Variants in ST3GAL2 observed in about 807,000 individuals in gnomAD.
ST3GAL2 encodes the protein ST3 beta-galactoside alpha-2,3-sialyltransferase 2, also known as CMP-N-acetylneuraminate-beta-galactosamide-alpha-2,3-sialyltransferase 2.
A neutral mutation model predicts 37.5 loss-of-function variants in ST3GAL2; 16 were observed. The ratio of observed to expected loss-of-function variants is 0.43; its 90% CI spans 0.29 to 0.65. The LOEUF (loss-of-function observed/expected upper bound fraction) is 0.65, where lower values mean the gene tolerates loss of function less well. Ranked by LOEUF, ST3GAL2 falls within the 30% of genes least tolerant of loss-of-function variation. The pLI, the probability that ST3GAL2 is intolerant of heterozygous loss-of-function variation, is 0.17. For synonymous variants in ST3GAL2, 238 were observed against 202.9 expected, an observed-to-expected ratio of 1.17 and a Z score of -1.47; for missense variants, 383 against 487.8, an observed-to-expected ratio of 0.79 and a Z score of 2.02.
intron 1 of ST3GAL2, among the ~76,000 whole-genome samples, chr16:70,416,980 C>T (rs191242740): frequency 2.6e-5 from 4 of 152,294 alleles, no homozygotes; most frequent in East Asian, 1.9e-4. Context: ...ATCACTCACC[C>T]GTTCACCTCG....
chr16:70,385,025 G>T (rs575156018), intron 4 of ST3GAL2, among the ~76,000 whole-genome samples: 2 of 151,860 alleles, frequency 1.3e-5, no homozygotes, highest in East Asian at 3.9e-4. Flanking sequence ...AAACAAACAG[G>T]CCGGGTGCGG....
intron 2 of ST3GAL2, 112 bp downstream of exon 2, chr16:70,398,080 C>T: frequency 2.7e-6 from 3 of 1,118,798 alleles, no homozygotes; most frequent in Non-Finnish European, 3.8e-6. Flanking sequence ...CTATAAATGG[C>T]TTGGTCAAAC....
At chr16:70,411,694 ATTG>A (rs2047639495) in intron 1 of ST3GAL2, among the ~76,000 whole-genome samples, 1 of 151,944 alleles carries the variant, frequency 6.6e-6, no homozygotes, top group African/African-American at 2.4e-5. Flanking sequence ...ATCCTAATAT[ATTG>A]TTAATAGTTA....
At chr16:70,438,212 G>T (rs1022121075) in intron 1 of ST3GAL2, among the ~76,000 whole-genome samples, 1 of 152,240 alleles carries the variant, frequency 6.6e-6, no homozygotes. Context: ...AAGCTAAGGG[G>T]AGACTCAAGT....
intron 1 of ST3GAL2, among the ~76,000 whole-genome samples, chr16:70,432,422 C>T (rs1322855534): frequency 6.6e-6 from 1 of 150,476 alleles, no homozygotes. Context: ...CAGGAAACCA[C>T]CAGGGCTCAG....
At chr16:70,408,657 G>T (rs1268950047) in intron 1 of ST3GAL2, among the ~76,000 whole-genome samples, 1 of 151,776 alleles carries the variant, frequency 6.6e-6, no homozygotes, top group African/African-American at 2.4e-5. Context: ...CTTCCTGCAG[G>T]ACATCCAACT....
chr16:70,419,803 G>A (rs2047701344), intron 1 of ST3GAL2, among the ~76,000 whole-genome samples: 1 of 152,136 alleles, frequency 6.6e-6, no homozygotes, highest in Admixed American at 6.6e-5. Flanking sequence ...CCTCCACCGG[G>A]CTGGTATGAC....
At chr16:70,396,526 C>A (rs2047517475) in intron 2 of ST3GAL2, among the ~76,000 whole-genome samples, 1 of 152,070 alleles carries the variant, frequency 6.6e-6, no homozygotes, top group Admixed American at 6.6e-5. Flanking sequence ...ATCGCTCGAG[C>A]CTTGGGGATC....
chr16:70,390,160 G>A (rs573364109), intron 3 of ST3GAL2, among the ~76,000 whole-genome samples: 125 of 151,662 alleles, frequency 8.2e-4, no homozygotes, highest in African/African-American at 2.9e-3. Context: ...CTGCAGCCTC[G>A]ACCTCCTGGG....
At position 70,381,661 on chromosome 16, in the gene ST3GAL2, G is replaced by T. The variant is rs373245458; in HGVS notation, c.*28C>A. 12 of 1,609,002 alleles carry T rather than the reference G, an allele frequency of 7.5e-6. No individual in the cohort carries two copies. Among genetic ancestry groups the T allele is most frequent in the South Asian group, 3.3e-5 (3 of 90,852 alleles). ...CCGGAGCCCCGGTGCCCGATAGATG[G>T]GCCGGAAGGGTCGCGGCGAGGCCCG... On this transcript the variant is annotated 3_prime_UTR_variant, in exon 7 of 7. Transcript: ENST00000342907.
chr16:70,379,543 GAAAT>G lies in ST3GAL2; in HGVS notation c.*2142_*2145del, dbSNP rs1175882557. On this transcript the variant is annotated 3_prime_UTR_variant, in exon 7 of 7. Transcript: ENST00000342907. Reference sequence around the variant, plus strand: ...GTTCCTTTTAATTCAGAAAGGGAAGGAAATAAAAAAGTGTGTTTAAATTACTATT... The same window carrying G: ...GTTCCTTTTAATTCAGAAAGGGAAGGAAAAAAGTGTGTTTAAATTACTATT... 2 of 152,122 alleles carry G rather than the reference GAAAT, an allele frequency of 1.3e-5. No homozygotes were observed. The highest frequency in any genetic ancestry group is 4.8e-5 in the African/African-American group (2 of 41,394). The allele number at this position is 152,122 out of a possible 1,614,324, so 9.4% of individuals were successfully genotyped here.
At chr16:70,438,183 G>A (rs2047839334) in intron 1 of ST3GAL2, among the ~76,000 whole-genome samples, 1 of 152,224 alleles carries the variant, frequency 6.6e-6, no homozygotes, top group Non-Finnish European at 1.5e-5. Context: ...AAGGAGGGAA[G>A]GCCAACAGGA....
At chr16:70,427,666 T>G (rs1424521820) in intron 1 of ST3GAL2, among the ~76,000 whole-genome samples, 1 of 152,148 alleles carries the variant, frequency 6.6e-6, no homozygotes, top group Non-Finnish European at 1.5e-5. Flanking sequence ...TATTCCCAAT[T>G]TCTGGGAAAG....
chr16:70,381,905 G>T, intron 6 of ST3GAL2, 43 bp from the exon 7 acceptor site: 1 of 1,606,304 alleles, frequency 6.2e-7, no homozygotes. Context: ...GCGGGGACCT[G>T]GAGGATGGCG....
rs990174400 is a variant in ST3GAL2 at position 70,381,506 on chromosome 16, G to C, written c.*183C>G. On this transcript the variant is annotated 3_prime_UTR_variant, in exon 7 of 7. Coordinates refer to ENST00000342907, the MANE Select transcript of ST3GAL2 (RefSeq NM_006927.4). ...ACATGATTGGCTGGGAGAAACAGAA[G>C]CTCCGCCCGACCGCAGCGCAGATTG... 2.9e-6 allele frequency: 2 copies of C among 685,676 alleles called. No individual in the cohort carries two copies. Among genetic ancestry groups the C allele is most frequent in the Admixed American group, 3.0e-5 (1 of 33,444 alleles). 42.5% of individuals were successfully genotyped at this position (685,676 alleles called of 1,614,324 possible).
chr16:70,432,214 CA>C (rs1012732300), intron 1 of ST3GAL2, among the ~76,000 whole-genome samples: 25 of 152,100 alleles, frequency 1.6e-4, no homozygotes, highest in Non-Finnish European at 2.8e-4. Context: ...GGCCCTTGTT[CA>C]CCTTATTGTA....
At chr16:70,428,006 T>C (rs1422351326) in intron 1 of ST3GAL2, among the ~76,000 whole-genome samples, 1 of 152,184 alleles carries the variant, frequency 6.6e-6, no homozygotes, top group African/African-American at 2.4e-5. Flanking sequence ...GACCTCCCAA[T>C]GCTCTGGGGT....
intron 1 of ST3GAL2, among the ~76,000 whole-genome samples, chr16:70,401,435 G>A (rs2047554239): frequency 6.6e-6 from 1 of 152,180 alleles, no homozygotes. Flanking sequence ...AAAGGCCCTT[G>A]CTTTGGGAAC....
intron 3 of ST3GAL2, among the ~76,000 whole-genome samples, chr16:70,390,143 T>C (rs2047473206): frequency 6.6e-6 from 1 of 151,938 alleles, no homozygotes; most frequent in African/African-American, 2.4e-5. Context: ...GGCACCATCA[T>C]GGCTCACTGC....
Sources: allele counts gnomAD v4.1 joint callset (sites outside exome capture counted in the v4.1 genomes callset), GRCh38; gene constraint gnomAD v4.1.1; transcripts MANE v1.5; gene names NCBI Gene and HGNC (gene_info 2026-07-23, HGNC 2026-07-21).